Variants in ACTR3C observed in about 807,000 individuals in gnomAD.
ACTR3C encodes the protein actin-related protein 3C.
A neutral mutation model predicts 26.3 loss-of-function variants in ACTR3C; 18 were observed. The observed-to-expected ratio is 0.68, with a 90% CI of 0.47 to 1.01. The LOEUF is 1.01. Ranked by LOEUF, ACTR3C falls within the 50% of genes least tolerant of loss-of-function variation. The pLI, the probability that ACTR3C is intolerant of heterozygous loss-of-function variation, is 0.00. For missense variants in ACTR3C, 184 were observed against 250.7 expected, an observed-to-expected ratio of 0.73 and a Z score of 1.80; for synonymous variants, 55 against 94.5, an observed-to-expected ratio of 0.58 and a Z score of 2.42.
the ACTR3C span, among the ~76,000 whole-genome samples, chr7:149,929,937 C>A: frequency 0.011 from 1,658 of 152,294 alleles, 32 homozygotes; most frequent in African/African-American, 0.038. Flanking sequence ...GAGTGAGGCG[C>A]GTCCCTATCT....
chr7:150,040,367 A>G, the ACTR3C span, among the ~76,000 whole-genome samples: 16 of 148,196 alleles, frequency 1.1e-4, no homozygotes, highest in South Asian at 2.7e-3. Context: ...CAGATCGGGT[A>G]GCCCCAGGGC....
the ACTR3C span, among the ~76,000 whole-genome samples, chr7:149,901,800 G>A: frequency 6.7e-6 from 1 of 148,906 alleles, no homozygotes; most frequent in African/African-American, 2.5e-5. Flanking sequence ...GGTAATCCCA[G>A]CTACTTGGGA....
chr7:149,952,366 T>C, the ACTR3C span, among the ~76,000 whole-genome samples: 1 of 147,242 alleles, frequency 6.8e-6, no homozygotes, highest in Admixed American at 6.6e-5. Flanking sequence ...AGATGGTTTC[T>C]AAGCCACTGC....
chr7:149,884,038 A>C, the ACTR3C span, among the ~76,000 whole-genome samples: 1 of 152,152 alleles, frequency 6.6e-6, no homozygotes, highest in Non-Finnish European at 1.5e-5. Flanking sequence ...CATAGGGTCC[A>C]CGCTCCCTGC....
At chr7:150,033,023 C>G in the ACTR3C span, among the ~76,000 whole-genome samples, 1 of 152,062 alleles carries the variant, frequency 6.6e-6, no homozygotes, top group Non-Finnish European at 1.5e-5. Flanking sequence ...GGTCAGATGG[C>G]AGGACGGGCC....
chr7:150,320,526 G>A (rs977444030), intron 1 of ACTR3C, among the ~76,000 whole-genome samples: 63 of 152,222 alleles, frequency 4.1e-4, no homozygotes, highest in African/African-American at 1.5e-3. Context: ...ACTTCGGGAG[G>A]CTGAGGTGGG....
At chr7:150,230,801 C>A in the ACTR3C span, among the ~76,000 whole-genome samples, 1 of 152,090 alleles carries the variant, frequency 6.6e-6, no homozygotes, top group South Asian at 2.1e-4. Flanking sequence ...TTGCATATTT[C>A]TTTTTATGTC....
chr7:150,255,658 A>G (rs1833168573), intron 6 of ACTR3C, among the ~76,000 whole-genome samples: 1 of 152,132 alleles, frequency 6.6e-6, no homozygotes, highest in Non-Finnish European at 1.5e-5. Flanking sequence ...AGGAGAAACC[A>G]TTTGCAGTGG....
At chr7:150,002,077 G>T in the ACTR3C span, 1 of 152,412 alleles carries the variant, frequency 6.6e-6, no homozygotes, top group African/African-American at 2.4e-5. Context: ...TGCATCTGCT[G>T]TGCACGTCAG....
chr7:149,980,700 T>C, the ACTR3C span, among the ~76,000 whole-genome samples: 5 of 152,230 alleles, frequency 3.3e-5, no homozygotes, highest in Admixed American at 3.3e-4. Flanking sequence ...TTATGATCTA[T>C]TCAAGTAACT....
chr7:149,991,364 CTG>C, the ACTR3C span, among the ~76,000 whole-genome samples: 4 of 152,186 alleles, frequency 2.6e-5, no homozygotes, highest in African/African-American at 9.7e-5. Context: ...TTTTTTAAAA[CTG>C]TGAGTTCAAA....
At chr7:150,073,871 TATA>T in the ACTR3C span, 1 of 152,232 alleles carries the variant, frequency 6.6e-6, no homozygotes, top group Admixed American at 6.5e-5. Flanking sequence ...AGACAAAGTT[TATA>T]ATAAGCTTTG....
chr7:150,132,948 A>T, the ACTR3C span, among the ~76,000 whole-genome samples: 1 of 152,192 alleles, frequency 6.6e-6, no homozygotes, highest in South Asian at 2.1e-4. Flanking sequence ...TACCCTTTAC[A>T]GATAGGACTC....
At chr7:149,962,524 C>T in the ACTR3C span, among the ~76,000 whole-genome samples, 10 of 151,974 alleles carry the variant, frequency 6.6e-5, no homozygotes, top group African/African-American at 2.4e-4. Context: ...CAGGCCATGT[C>T]CCCGCCATGT....
At chr7:150,227,958 G>T in the ACTR3C span, among the ~76,000 whole-genome samples, 1 of 151,986 alleles carries the variant, frequency 6.6e-6, no homozygotes, top group Non-Finnish European at 1.5e-5. Flanking sequence ...CTTCGGTAGT[G>T]TATTGACTAT....
At chr7:150,048,826 CA>C in the ACTR3C span, among the ~76,000 whole-genome samples, 1 of 152,140 alleles carries the variant, frequency 6.6e-6, no homozygotes, top group Non-Finnish European at 1.5e-5. Flanking sequence ...CTCCACAGCC[CA>C]GCTCCCTCCG....
chr7:150,232,142 T>A, the ACTR3C span, among the ~76,000 whole-genome samples: 28 of 152,210 alleles, frequency 1.8e-4, no homozygotes, highest in African/African-American at 6.3e-4. Flanking sequence ...CCCTTATAAT[T>A]TTTCTTGCTC....
At chr7:150,315,387 T>C (rs1252250277) in intron 1 of ACTR3C, among the ~76,000 whole-genome samples, 1 of 152,152 alleles carries the variant, frequency 6.6e-6, no homozygotes, top group Non-Finnish European at 1.5e-5. Context: ...CAGCCGAAGA[T>C]GCTAGCAACG....
chr7:150,107,985 G>A, the ACTR3C span, among the ~76,000 whole-genome samples: 1 of 151,872 alleles, frequency 6.6e-6, no homozygotes, highest in Non-Finnish European at 1.5e-5. Flanking sequence ...GGAATAATTA[G>A]AGCATAAAGG....
Sources: allele counts gnomAD v4.1 joint callset (sites outside exome capture counted in the v4.1 genomes callset), GRCh38; gene constraint gnomAD v4.1.1; transcripts MANE v1.5; gene names NCBI Gene and HGNC (gene_info 2026-07-23, HGNC 2026-07-21).